Variants in TTLL11 observed in about 807,000 individuals in gnomAD.
The protein encoded by TTLL11 is tubulin polyglutamylase TTLL11.
In TTLL11, 42 loss-of-function variants were observed where a neutral mutation model predicts 51.7. The ratio of observed to expected loss-of-function variants is 0.81; its 90% CI spans 0.64 to 1.05. The LOEUF is 1.05. Among genes scored for constraint, TTLL11 ranks in the 50% least tolerant of loss-of-function variants. TTLL11 has a pLI of 0.00. For missense variants in TTLL11, 799 were observed against 940.4 expected (o/e 0.85, Z 1.97); for synonymous variants, 381 against 383.5 (o/e 0.99, Z 0.08).
chr9:122,055,253 TTATTAAG>T (rs1361979866), intron 1 of TTLL11, among the ~76,000 whole-genome samples: 1 of 90,288 alleles, frequency 1.1e-5, no homozygotes, highest in Non-Finnish European at 2.4e-5. Flanking sequence ...AAAGGGGAGT[TTATTAAG>T]TATTAACTCA....
intron 3 of TTLL11, among the ~76,000 whole-genome samples, chr9:121,992,628 G>A (rs190778183): frequency 1.8e-4 from 28 of 152,330 alleles, no homozygotes; most frequent in Non-Finnish European, 2.9e-4. Flanking sequence ...AGGAAGACTC[G>A]CGCTTATGCT....
intron 1 of TTLL11, among the ~76,000 whole-genome samples, chr9:122,078,781 G>T (rs1845924840): frequency 1.3e-5 from 2 of 152,110 alleles, no homozygotes; most frequent in Admixed American, 1.3e-4. Context: ...ACCCCTATCT[G>T]TGTAGGTCTA....
intron 6 of TTLL11, among the ~76,000 whole-genome samples, chr9:121,926,662 C>A (rs550634191): frequency 6.6e-6 from 1 of 152,184 alleles, no homozygotes; most frequent in Non-Finnish European, 1.5e-5. Context: ...TCAACAAGGC[C>A]GTCTCCTCTC....
At chr9:122,083,232 T>C (rs1180073278) in intron 1 of TTLL11, among the ~76,000 whole-genome samples, 2 of 151,992 alleles carry the variant, frequency 1.3e-5, no homozygotes. Flanking sequence ...GCGAATCAAA[T>C]CTGAGCTGAA....
chr9:122,072,291 A>G (rs1269287130), intron 1 of TTLL11, among the ~76,000 whole-genome samples: 1 of 152,004 alleles, frequency 6.6e-6, no homozygotes, highest in Non-Finnish European at 1.5e-5. Flanking sequence ...GCTCCTGCAT[A>G]CCTCTCTGAT....
intron 8 of TTLL11, among the ~76,000 whole-genome samples, chr9:121,835,835 C>A (rs939385663): frequency 6.6e-6 from 1 of 152,208 alleles, no homozygotes; most frequent in South Asian, 2.1e-4. Flanking sequence ...CTAGTCACTG[C>A]TTCCTGCAAC....
Position 121,989,855 on chromosome 9 carries a change from G to T in TTLL11, c.694-85C>A. On this transcript the variant is annotated intron_variant, in intron 3 of 8. Coordinates refer to ENST00000321582, the MANE Select transcript of TTLL11 (RefSeq NM_001139442.2). This position sits in a 1 kb window ranked among gnomAD's most constrained non-coding sequence, Gnocchi z 4.2. ...AGAGCAAGGCCTTAGCAAATGTGTG[G>T]TGAATGAGTGACAAGATGATCCCTG... is the stretch of plus-strand genomic sequence containing the variant. 1 of 1,512,506 alleles carries T rather than the reference G, an allele frequency of 6.6e-7. No homozygotes were observed. The allele number at this position is 1,512,506 out of a possible 1,614,324, so 93.7% of individuals were successfully genotyped here.
At chr9:122,079,488 G>A (rs1301751806) in intron 1 of TTLL11, among the ~76,000 whole-genome samples, 1 of 152,010 alleles carries the variant, frequency 6.6e-6, no homozygotes, top group African/African-American at 2.4e-5. Context: ...GAGGTGGGTG[G>A]AGCATGAGGT....
chr9:122,082,400 G>C (rs567161752), intron 1 of TTLL11, among the ~76,000 whole-genome samples: 9 of 151,668 alleles, frequency 5.9e-5, no homozygotes, highest in Non-Finnish European at 1.0e-4. Flanking sequence ...TACTCTGGAG[G>C]CTGAGGCACG....
chr9:122,015,844 A>T (rs1843956930), intron 3 of TTLL11, among the ~76,000 whole-genome samples: 1 of 151,818 alleles, frequency 6.6e-6, no homozygotes, highest in African/African-American at 2.4e-5. Context: ...AAACCACAGC[A>T]TATGTATATT....
chr9:122,089,177 C>T (rs1846199497), intron 1 of TTLL11, among the ~76,000 whole-genome samples: 1 of 152,154 alleles, frequency 6.6e-6, no homozygotes, highest in African/African-American at 2.4e-5. Flanking sequence ...AGCTCTCACT[C>T]TGGTTGGTGT....
rs1473549574 is a variant in TTLL11 at position 122,061,110 on chromosome 9, C to T, written c.463-21742G>A. Among the ~76,000 whole-genome samples the T allele has an allele frequency of 2.0e-5, 3 of 152,330 alleles. No individual in the cohort carries two copies. The East Asian group carries it at 5.8e-4, about 29-fold the overall frequency. On this transcript the variant is annotated intron_variant, in intron 1 of 8. Coordinates refer to ENST00000321582, the MANE Select transcript of TTLL11 (RefSeq NM_001139442.2). ...CTTGGCATCACTTGCCTTGTTCACA[C>T]ATCACTCCAATCCCTGCCACCGTCT... is the stretch of plus-strand genomic sequence containing the variant.
chr9:121,945,711 C>T (rs956940157), intron 6 of TTLL11, among the ~76,000 whole-genome samples: 1 of 152,204 alleles, frequency 6.6e-6, no homozygotes, highest in South Asian at 2.1e-4. Flanking sequence ...CCATTCAGGA[C>T]AGTATTGGAG....
chr9:122,088,798 G>A (rs1286416838), intron 1 of TTLL11, among the ~76,000 whole-genome samples: 2 of 152,058 alleles, frequency 1.3e-5, no homozygotes, highest in Admixed American at 6.5e-5. Context: ...TTGAGGTCAG[G>A]AGTTCAAGAC....
intron 2 of TTLL11, among the ~76,000 whole-genome samples, chr9:122,038,485 A>C (rs759003611): frequency 4.6e-5 from 7 of 152,118 alleles, no homozygotes; most frequent in Non-Finnish European, 8.8e-5. Context: ...CCCTGTCTCT[A>C]CTAAAAATAC....
At chr9:121,990,832 T>A (rs1285027637) in intron 3 of TTLL11, among the ~76,000 whole-genome samples, 1 of 152,110 alleles carries the variant, frequency 6.6e-6, no homozygotes, top group East Asian at 1.9e-4. Context: ...AGCAGAACAC[T>A]CACATAATTA....
rs1398276743 is a variant in TTLL11, at chr9:121,893,751, T to C, written c.1482-23003A>G. Reference sequence around the variant, plus strand: ...CAAAGATTATCCCACTTACGTCTACTCAATGGGCAGTACCCAAGGATGGAA... The same window carrying C: ...CAAAGATTATCCCACTTACGTCTACCCAATGGGCAGTACCCAAGGATGGAA... On this transcript the variant is annotated intron_variant, in intron 6 of 8. Coordinates refer to ENST00000321582, the MANE Select transcript of TTLL11 (RefSeq NM_001139442.2). Among the ~76,000 whole-genome samples, 4 of 152,184 alleles carry C rather than the reference T, an allele frequency of 2.6e-5. No individual in the cohort carries two copies. The East Asian group carries it at 5.8e-4, about 22-fold the overall frequency.
intron 8 of TTLL11, among the ~76,000 whole-genome samples, chr9:121,836,615 C>T (rs1837185639): frequency 6.6e-6 from 1 of 152,234 alleles, no homozygotes; most frequent in African/African-American, 2.4e-5. Flanking sequence ...AGGCAGTAAC[C>T]ATGACCACTC....
intron 6 of TTLL11, among the ~76,000 whole-genome samples, chr9:121,955,743 C>A (rs1011536953): frequency 5.9e-5 from 9 of 152,146 alleles, no homozygotes; most frequent in African/African-American, 2.2e-4. Flanking sequence ...ATTTATAGAT[C>A]CAAGGACAAA....
Sources: gnomAD v4.1 joint callset for allele counts (sites outside exome capture counted in the v4.1 genomes callset) on GRCh38, gnomAD v4.1.1 for gene constraint, Gnocchi (gnomAD v3.1) non-coding constraint, MANE v1.5 for transcripts, NCBI Gene and HGNC (gene_info 2026-07-23, HGNC 2026-07-21) for gene names.